NDRG3: variants seen among roughly 807,000 people sequenced by gnomAD.
NDRG3 encodes NDRG family member 3, also known as protein NDRG3.
NDRG3 carries 23 observed loss-of-function variants against 57.2 expected under a neutral mutation model. The observed-to-expected ratio is 0.40, with a 90% CI of 0.29 to 0.57. The LOEUF is 0.57. Among genes scored for constraint, NDRG3 ranks in the 20% least tolerant of loss-of-function variants. The pLI, the probability that NDRG3 is intolerant of heterozygous loss-of-function variation, is 0.42. For missense variants in NDRG3, 384 were observed against 457.3 expected, an observed-to-expected ratio of 0.84 and a Z score of 1.46; for synonymous variants, 132 against 162.6, an observed-to-expected ratio of 0.81 and a Z score of 1.43.
At chr20:36,657,349 G>C (rs1268856232) in intron 13 of NDRG3, among the ~76,000 whole-genome samples, 2 of 151,994 alleles carry the variant, frequency 1.3e-5, no homozygotes, top group African/African-American at 4.8e-5. Flanking sequence ...TTAGCCGGGC[G>C]TGGTGGCACA....
rs998724656 is a variant in NDRG3 at position 36,721,569 on chromosome 20, G to A, written c.57+110C>T. 24 of 652,720 alleles carry A rather than the reference G, an allele frequency of 3.7e-5. No individual in the cohort carries two copies. In the African/African-American group the frequency reaches 4.5e-4, roughly 12 times the overall value. 40.4% of individuals were successfully genotyped at this position (652,720 alleles called of 1,614,324 possible). A position where few individuals can be genotyped will look rare whatever the true frequency, so the allele number is the denominator to read the frequency against. Reference sequence around the variant, plus strand: ...AGATTTTTAAAGTATTCCTTTCATTGAAAGTCAAGCTAAATATGTTTTAAG... The same window carrying A: ...AGATTTTTAAAGTATTCCTTTCATTAAAAGTCAAGCTAAATATGTTTTAAG... On this transcript the variant is annotated intron_variant, in intron 2 of 15. Transcript: ENST00000349004.
chr20:36,694,599 G>C (rs1479217806), intron 3 of NDRG3, among the ~76,000 whole-genome samples: 1 of 151,972 alleles, frequency 6.6e-6, no homozygotes, highest in African/African-American at 2.4e-5. Context: ...TTCATCCTAT[G>C]ACCCACCTTT....
intron 1 of NDRG3, among the ~76,000 whole-genome samples, chr20:36,732,451 C>T (rs1345974275): frequency 2.0e-5 from 3 of 152,184 alleles, no homozygotes; most frequent in African/African-American, 7.2e-5. Flanking sequence ...CATGTAAGCA[C>T]ATCAGATGTG....
At chr20:36,720,215 C>T (rs1333640638) in intron 2 of NDRG3, among the ~76,000 whole-genome samples, 2 of 151,850 alleles carry the variant, frequency 1.3e-5, no homozygotes, top group African/African-American at 4.8e-5. Context: ...CTCTGTCGCC[C>T]AGGCTGGAGT....
At chr20:36,707,057 C>G (rs760912055) in intron 2 of NDRG3, 50 bp from the exon 3 acceptor site, 1 of 1,553,424 alleles carries the variant, frequency 6.4e-7, no homozygotes, top group South Asian at 1.1e-5. Flanking sequence ...ATGGTTTCCC[C>G]ACATGTGCAG....
rs1253396842 is a variant in NDRG3 at position 36,680,891 on chromosome 20, T to C, written c.456A>G (p.Pro152=). 6.2e-7 allele frequency: 1 copy of C among 1,613,794 alleles called. No homozygotes were observed. The highest frequency in any genetic ancestry group is 8.5e-7 in the Non-Finnish European group (1 of 1,179,722). The change falls in exon 8 of 16, where the codon CCA becomes CCG. Residue 152 remains proline (P), a synonymous_variant. Coordinates refer to ENST00000349004, the MANE Select transcript of NDRG3 (RefSeq NM_032013.4). The part of the protein sequence containing the change: ...YILSRFALNH[P]ELVEGLVLIN... Reference sequence around the variant, plus strand: ...TGAGCACAAGGCCTTCCACAAGCTCTGGATGGTTGAGCTGAAAGATGAGGC... The same window carrying C: ...TGAGCACAAGGCCTTCCACAAGCTCCGGATGGTTGAGCTGAAAGATGAGGC...
At chr20:36,662,138 G>A (rs1038476574) in intron 12 of NDRG3, among the ~76,000 whole-genome samples, 4 of 152,030 alleles carry the variant, frequency 2.6e-5, no homozygotes, top group African/African-American at 9.7e-5. Flanking sequence ...AATAAATCAT[G>A]CTTTCCTTGG....
At chr20:36,720,640 G>C (rs1212051838) in intron 2 of NDRG3, among the ~76,000 whole-genome samples, 1 of 152,076 alleles carries the variant, frequency 6.6e-6, no homozygotes, top group Non-Finnish European at 1.5e-5. Context: ...TCATAGACTT[G>C]GCAAACTTCA....
chr20:36,742,176 G>A (rs1053613456), intron 1 of NDRG3, among the ~76,000 whole-genome samples: 2 of 151,808 alleles, frequency 1.3e-5, no homozygotes, highest in Admixed American at 1.3e-4. Context: ...TTATATATAC[G>A]CTGACTTCAA....
rs368190645 is a variant in NDRG3 at position 36,734,725 on chromosome 20, G to A, written c.-49+11320C>T. 2.0e-5 allele frequency among the ~76,000 whole-genome samples: 3 copies of A among 151,756 alleles called. No homozygotes were observed. In the East Asian group the frequency reaches 5.8e-4, roughly 29 times the overall value. On this transcript the variant is annotated intron_variant, in intron 1 of 15. Transcript: ENST00000349004. ...TCTATGCATTGCAGAATGTGTAGCA[G>A]CATCCCTGGCCTCCAATACTAGATG...
chr20:36,663,617 G>A (rs548318877), intron 12 of NDRG3, among the ~76,000 whole-genome samples: 2 of 152,210 alleles, frequency 1.3e-5, no homozygotes, highest in South Asian at 2.1e-4. Flanking sequence ...CAGTGAAACA[G>A]GCATGCTTAT....
At chr20:36,728,733 G>A (rs1985099555) in intron 1 of NDRG3, among the ~76,000 whole-genome samples, 2 of 151,466 alleles carry the variant, frequency 1.3e-5, no homozygotes, top group Admixed American at 1.3e-4. Context: ...TTTTTTTGGG[G>A]GGGAGGTTTT....
chr20:36,685,451 C>T (rs143668110), intron 5 of NDRG3, among the ~76,000 whole-genome samples: 4,291 of 152,158 alleles, frequency 0.028, 240 homozygotes, highest in African/African-American at 0.099. Context: ...GCTGGGACTA[C>T]AGGCGCATGC....
intron 2 of NDRG3, among the ~76,000 whole-genome samples, chr20:36,714,391 C>G (rs1205960714): frequency 8.1e-6 from 1 of 124,174 alleles, no homozygotes; most frequent in Non-Finnish European, 1.6e-5. Flanking sequence ...GGCAACAGAG[C>G]AAGACTCCAA....
intron 12 of NDRG3, among the ~76,000 whole-genome samples, chr20:36,663,264 C>T (rs748509818): frequency 2.0e-5 from 3 of 152,126 alleles, no homozygotes; most frequent in Non-Finnish European, 2.9e-5. Flanking sequence ...CAGGGAGATG[C>T]GAATGTTATC....
At chr20:36,670,166 G>A (rs573712535) in intron 9 of NDRG3, among the ~76,000 whole-genome samples, 7 of 152,232 alleles carry the variant, frequency 4.6e-5, no homozygotes, top group South Asian at 2.1e-4. Context: ...AACCTTTGTG[G>A]GGTGATGAAA....
intron 2 of NDRG3, among the ~76,000 whole-genome samples, chr20:36,720,724 A>AAAT (rs1984540374): frequency 1.3e-5 from 2 of 151,862 alleles, no homozygotes. Context: ...GAAAGTCAAG[A>AAAT]CACTTGGATT....
chr20:36,661,559 A>C (rs551518759), intron 12 of NDRG3, among the ~76,000 whole-genome samples: 1 of 152,334 alleles, frequency 6.6e-6, no homozygotes, highest in South Asian at 2.1e-4. Flanking sequence ...AGATAGATAA[A>C]GGGAAAAGGT....
chr20:36,680,560 C>G (rs114077217), intron 8 of NDRG3, among the ~76,000 whole-genome samples: 2,118 of 151,810 alleles, frequency 0.014, 52 homozygotes, highest in African/African-American at 0.047. Flanking sequence ...TAAAACTTAT[C>G]TCTGGTAACA....
Sources: allele counts gnomAD v4.1 joint callset (sites outside exome capture counted in the v4.1 genomes callset), GRCh38; gene constraint gnomAD v4.1.1; transcripts MANE v1.5; gene names NCBI Gene and HGNC (gene_info 2026-07-23, HGNC 2026-07-21).